Variants in ZNF462 observed in about 807,000 individuals in gnomAD.
ZNF462 encodes the protein zinc finger PBX1-interacting protein.
A neutral mutation model predicts 201.9 loss-of-function variants in ZNF462; 10 were observed. The ratio of observed to expected loss-of-function variants is 0.05; its 90% CI spans 0.03 to 0.08. The LOEUF (loss-of-function observed/expected upper bound fraction) is 0.08, where lower values mean the gene tolerates loss of function less well. ZNF462 is among the 10% of genes least tolerant of loss of function. The pLI, the probability that ZNF462 is intolerant of heterozygous loss-of-function variation, is 1.00. For missense variants in ZNF462, 2,523 were observed against 3,168.3 expected, an observed-to-expected ratio of 0.80 and a Z score of 4.89; for synonymous variants, 1,227 against 1,193.3, an observed-to-expected ratio of 1.03 and a Z score of -0.58.
intron 7 of ZNF462, among the ~76,000 whole-genome samples, chr9:106,946,336 G>A (rs893934434): frequency 2.0e-5 from 3 of 152,160 alleles, no homozygotes; most frequent in Admixed American, 1.3e-4. Context: ...ATCATCTAAA[G>A]CAATTAATCT....
Position 106,933,693 on chromosome 9 carries a change from A to C in ZNF462, c.6116+1144A>C, listed in dbSNP as rs1423030668. 1.3e-5 allele frequency among the ~76,000 whole-genome samples: 2 copies of C among 152,230 alleles called. No homozygotes were observed. The highest frequency in any genetic ancestry group is 2.9e-5 in the Non-Finnish European group (2 of 68,042). ...ATCAAAATAAAGCACGTCTTTGAAA[A>C]TATCAGTAAAATACTATGATGTGTC... On this transcript the variant is annotated intron_variant, in intron 5 of 12. Transcript: ENST00000277225. This position sits in a 1 kb window ranked among gnomAD's most constrained non-coding sequence, Gnocchi z 4.3.
At position 106,977,036 on chromosome 9, in the gene ZNF462, A is replaced by G. The variant is rs1295930735; in HGVS notation, c.6832+2763A>G. Among the ~76,000 whole-genome samples the G allele has an allele frequency of 3.3e-5, 5 of 152,180 alleles. No individual in the cohort carries two copies. The highest frequency in any genetic ancestry group is 2.4e-5 in the African/African-American group (1 of 41,444). On this transcript the variant is annotated intron_variant, in intron 9 of 12. Coordinates refer to ENST00000277225, the MANE Select transcript of ZNF462 (RefSeq NM_021224.6). This position sits in a 1 kb window ranked among gnomAD's most constrained non-coding sequence, Gnocchi z 4.6. ...AGCTGTGGCGGCTGAGTTCAAAGAC[A>G]GAATTATCAGAGGAGGTCAGAGGGG...
chr9:106,958,731 G>T (rs1317499252), intron 7 of ZNF462, among the ~76,000 whole-genome samples: 2 of 151,930 alleles, frequency 1.3e-5, no homozygotes, highest in Non-Finnish European at 2.9e-5. Flanking sequence ...TTCCTCGTGG[G>T]TAGCAGGGAG....
chr9:106,866,713 T>A (rs907023657), intron 1 of ZNF462, among the ~76,000 whole-genome samples: 6 of 152,200 alleles, frequency 3.9e-5, no homozygotes, highest in Non-Finnish European at 7.3e-5. Context: ...TAAGTGAAAT[T>A]TCGCCAATAT....
intron 1 of ZNF462, among the ~76,000 whole-genome samples, chr9:106,867,817 ATCT>A (rs1488565543): frequency 2.0e-5 from 3 of 152,166 alleles, no homozygotes; most frequent in Non-Finnish European, 4.4e-5. Flanking sequence ...AACCTTACTT[ATCT>A]TCTTTATGGT....
Position 106,978,017 on chromosome 9 carries a change from C to T in ZNF462, c.6832+3744C>T, listed in dbSNP as rs1018273520. Among the ~76,000 whole-genome samples, 5 of 151,588 alleles carry T rather than the reference C, an allele frequency of 3.3e-5. No individual in the cohort carries two copies. The highest frequency in any genetic ancestry group is 6.6e-5 in the Admixed American group (1 of 15,264). On this transcript the variant is annotated intron_variant, in intron 9 of 12. Coordinates refer to ENST00000277225, the MANE Select transcript of ZNF462 (RefSeq NM_021224.6). This position sits in a 1 kb window ranked among gnomAD's most constrained non-coding sequence, Gnocchi z 4.1. ...TTCCTTGACGCTACTTGGCTTATAG[C>T]TGCATCACTCTCATGTTTGTCTCCA...
Position 106,913,666 on chromosome 9 carries a change from C to T in ZNF462, c.-30-9688C>T, listed in dbSNP as rs143534765. 8.9e-3 allele frequency among the ~76,000 whole-genome samples: 1,343 copies of T among 150,842 alleles called. 45 individuals carry two copies. Among genetic ancestry groups the T allele is most frequent in the African/African-American group, 0.029 (1,196 of 41,372 alleles). ...AGGCTGGAGTGCAGTGGCATGATCT[C>T]GACTCACTGCAACCTCTGTCTCCCA... On this transcript the variant is annotated intron_variant, in intron 1 of 12. Transcript: ENST00000277225. This position sits in a 1 kb window ranked among gnomAD's most constrained non-coding sequence, Gnocchi z 4.1.
chr9:106,929,097 T>C lies in ZNF462; in HGVS notation c.5185T>C (p.Cys1729Arg). 1 of 1,614,102 alleles carries C rather than the reference T, an allele frequency of 6.2e-7. No individual in the cohort carries two copies. The highest frequency in any genetic ancestry group is 8.5e-7 in the Non-Finnish European group (1 of 1,180,022). ...RHDIDAYYTH[C>R]LAASRTISDK... ...CGACATTGATGCGTATTACACTCAC[T>C]GCTTGGCAGCCTCCAGGACCATCAG... Residue 1729 changes from cysteine to arginine, a missense_variant, in exon 3 of 13, where the codon TGC (cysteine) becomes CGC (arginine). Physicochemically the swap from Cys to Arg is radical, Grantham distance 180 (BLOSUM62 -3). This residue lies in a region of ZNF462 where 207 missense variants were observed against 231.6 expected (regional missense o/e 0.89). Transcript: ENST00000277225. The surrounding 1 kb of genome is among the most constrained non-coding windows in gnomAD (Gnocchi z 8.7).
chr9:106,887,578 T>C (rs1275696319), intron 1 of ZNF462, among the ~76,000 whole-genome samples: 1 of 152,172 alleles, frequency 6.6e-6, no homozygotes, highest in East Asian at 1.9e-4. Context: ...CCAAGAATAT[T>C]TAAGGGACTT....
rs180774252 is a variant in ZNF462, at chr9:106,886,125, T to C, written c.-31+22770T>C. Among the ~76,000 whole-genome samples, 9 of 152,338 alleles carry C rather than the reference T, an allele frequency of 5.9e-5. No individual in the cohort carries two copies. The highest frequency in any genetic ancestry group is 2.2e-4 in the African/African-American group (9 of 41,574). On this transcript the variant is annotated intron_variant, in intron 1 of 12. Transcript: ENST00000277225. This position sits in a 1 kb window ranked among gnomAD's most constrained non-coding sequence, Gnocchi z 4.6. ...GTAACTCATACCCAAGAAGTGGGTT[T>C]GTTGGCCTTAGCCTGATAGGTGGTA...
In ZNF462 at chr9:106,924,696, A is replaced by G; in HGVS notation, c.784A>G (p.Met262Val). 1.2e-6 allele frequency: 2 copies of G among 1,614,110 alleles called. No individual in the cohort carries two copies. Among genetic ancestry groups the G allele is most frequent in the Non-Finnish European group, 1.7e-6 (2 of 1,180,008 alleles). Reference protein sequence around the residue: ...TPRRERWCDHMMKKHRSMVKI... With the variant: ...TPRRERWCDHVMKKHRSMVKI... The stretch of plus-strand genomic sequence containing the variant: ...CCGCCGAGAACGCTGGTGTGACCAC[A>G]TGATGAAGAAACACCGCAGTATGGT... Residue 262 changes from methionine to valine, a missense_variant, in exon 3 of 13, where the codon ATG becomes GTG. Coordinates refer to ENST00000277225, the MANE Select transcript of ZNF462 (RefSeq NM_021224.6). This position sits in a 1 kb window ranked among gnomAD's most constrained non-coding sequence, Gnocchi z 6.2.
At position 106,984,037 on chromosome 9, in the gene ZNF462, G is replaced by T. The variant is rs1201599443; in HGVS notation, c.6833-149G>T. On this transcript the variant is annotated intron_variant, in intron 9 of 12. Coordinates refer to ENST00000277225, the MANE Select transcript of ZNF462 (RefSeq NM_021224.6). This position sits in a 1 kb window ranked among gnomAD's most constrained non-coding sequence, Gnocchi z 6.4. The stretch of plus-strand genomic sequence containing the variant: ...GGAATATGTTGTTTGGGGGTTAGGG[G>T]AGGGGCAGGGTGCATGTGTGTCAGT... 3.0e-6 allele frequency: 2 copies of T among 660,716 alleles called. No homozygotes were observed. Among genetic ancestry groups the T allele is most frequent in the Non-Finnish European group, 5.2e-6 (2 of 388,122 alleles). The allele number at this position is 660,716 out of a possible 1,614,324, so 40.9% of individuals were successfully genotyped here. A position where few individuals can be genotyped will look rare whatever the true frequency, so the allele number is the denominator to read the frequency against.
chr9:106,868,678 C>T lies in ZNF462; in HGVS notation c.-31+5323C>T, dbSNP rs1409855178. ...ACTGAAGAGGAAACTGGCACAAAGA[C>T]ATGAAGTGACTTGCACAAGGTCAGA... is the stretch of plus-strand genomic sequence containing the variant. On this transcript the variant is annotated intron_variant, in intron 1 of 12. Transcript: ENST00000277225. 2.0e-5 allele frequency among the ~76,000 whole-genome samples: 3 copies of T among 152,162 alleles called. No homozygotes were observed. In the South Asian group the frequency reaches 6.2e-4, roughly 32 times the overall value.
At chr9:106,863,746 A>G (rs2130738886) in intron 1 of ZNF462, among the ~76,000 whole-genome samples, 1 of 151,896 alleles carries the variant, frequency 6.6e-6, no homozygotes, top group Non-Finnish European at 1.5e-5. Flanking sequence ...GAGAAGAGAA[A>G]ATGAAAGATG....
At chr9:106,884,028 C>T (rs1164004472) in intron 1 of ZNF462, among the ~76,000 whole-genome samples, 2 of 152,152 alleles carry the variant, frequency 1.3e-5, no homozygotes, top group Admixed American at 1.3e-4. Flanking sequence ...TGGACAGCTC[C>T]CTTTTAAAAA....
chr9:106,942,023 G>T (rs1289326055), intron 7 of ZNF462, among the ~76,000 whole-genome samples: 1 of 152,192 alleles, frequency 6.6e-6, no homozygotes, highest in East Asian at 1.9e-4. Flanking sequence ...TCACAGTTAA[G>T]GTTTCCCACA....
At chr9:106,863,505 C>A in intron 1 of ZNF462, 150 bp downstream of exon 1, 1 of 189,588 alleles carries the variant, frequency 5.3e-6, no homozygotes, top group Non-Finnish European at 1.0e-5. Flanking sequence ...CATGGACTGG[C>A]TGTTGGAAGA....
chr9:106,889,701 T>G (rs935778368), intron 1 of ZNF462, among the ~76,000 whole-genome samples: 4 of 152,210 alleles, frequency 2.6e-5, no homozygotes, highest in African/African-American at 9.6e-5. Flanking sequence ...GTGCTAAATG[T>G]TGGCTCTACA....
In ZNF462 at chr9:106,925,927, T is replaced by C. The variant is rs1554703912; in HGVS notation, c.2015T>C (p.Val672Ala). ...ILGLSSKNNF[V>A]AKASRKLAND... ...GGGTTGTCCTCCAAGAACAATTTTG[T>C]AGCTAAAGCCTCTAGGAAGCTCGCC... is the stretch of plus-strand genomic sequence containing the variant. Residue 672 changes from valine (V) to alanine (A), a missense_variant, in exon 3 of 13, where the codon GTA becomes GCA. Around this residue, in one of 15 missense-constraint regions of ZNF462, gnomAD observed 383 missense variants for 453.4 expected, o/e 0.84. Transcript: ENST00000277225. This position sits in a 1 kb window ranked among gnomAD's most constrained non-coding sequence, Gnocchi z 7.9. 6.2e-7 allele frequency: 1 copy of C among 1,614,196 alleles called. No homozygotes were observed. The highest frequency in any genetic ancestry group is 8.5e-7 in the Non-Finnish European group (1 of 1,180,036).
Sources: allele counts gnomAD v4.1 joint callset (sites outside exome capture counted in the v4.1 genomes callset), GRCh38; gene constraint gnomAD v4.1.1; regional missense constraint gnomAD v4.1.1; non-coding constraint Gnocchi (gnomAD v3.1); transcripts MANE v1.5; gene names NCBI Gene and HGNC (gene_info 2026-07-23, HGNC 2026-07-21).